The following IL1RAPL2 variants were observed in gnomAD, a reference collection of about 807,000 sequenced individuals.
The protein encoded by IL1RAPL2 is X-linked interleukin-1 receptor accessory protein-like 2.
A neutral mutation model predicts 44.1 loss-of-function variants in IL1RAPL2; 3 were observed. The ratio of observed to expected loss-of-function variants is 0.07; its 90% CI spans 0.03 to 0.18. The LOEUF (loss-of-function observed/expected upper bound fraction) is 0.18, where lower values mean the gene tolerates loss of function less well. Among genes scored for constraint, IL1RAPL2 ranks in the 10% least tolerant of loss-of-function variants. The pLI is 1.00. For missense variants in IL1RAPL2, 391 were observed against 496.4 expected, an observed-to-expected ratio of 0.79 and a Z score of 2.02; for synonymous variants, 181 against 178.8, an observed-to-expected ratio of 1.01 and a Z score of -0.10.
intron 2 of IL1RAPL2, among the ~76,000 whole-genome samples, chrX:104,750,877 T>TAA (rs1049373074): frequency 3.7e-5 from 4 of 109,184 alleles, no homozygotes; most frequent in African/African-American, 1.3e-4. Context: ...AAACCCAAAT[T>TAA]AAAAAAAAAC....
intron 6 of IL1RAPL2, among the ~76,000 whole-genome samples, chrX:105,581,018 A>G (rs371322823): frequency 3.6e-5 from 4 of 110,988 alleles, no homozygotes; most frequent in South Asian, 7.6e-4. Flanking sequence ...AGTAGTTGGA[A>G]GTCCCTGGAT....
chrX:105,090,676 C>T (rs776669925), intron 2 of IL1RAPL2, among the ~76,000 whole-genome samples: 1 of 112,260 alleles, frequency 8.9e-6, no homozygotes, highest in Admixed American at 9.4e-5. Context: ...AGTGGGTGGA[C>T]AATATAAAAG....
At chrX:105,096,850 T>C (rs980792211) in intron 2 of IL1RAPL2, among the ~76,000 whole-genome samples, 2 of 112,123 alleles carry the variant, frequency 1.8e-5, no homozygotes, top group Non-Finnish European at 3.8e-5. Context: ...TTTTATGAGT[T>C]ATGTATTAAT....
At chrX:105,072,959 ATGTCCCTGC>A (rs2032229018) in intron 2 of IL1RAPL2, among the ~76,000 whole-genome samples, 2 of 109,419 alleles carry the variant, frequency 1.8e-5, no homozygotes, top group Non-Finnish European at 3.8e-5. Flanking sequence ...AGCTTCATCC[ATGTCCCTGC>A]AAAGGTGATG....
chrX:105,262,915 C>T (rs1176387920), intron 4 of IL1RAPL2, among the ~76,000 whole-genome samples: 3 of 109,460 alleles, frequency 2.7e-5, no homozygotes, highest in African/African-American at 3.3e-5. Context: ...GATGGAGTTT[C>T]GCTCTTGTTG....
chrX:105,657,156 A>G (rs769138240), intron 6 of IL1RAPL2, among the ~76,000 whole-genome samples: 2 of 112,004 alleles, frequency 1.8e-5, no homozygotes, highest in East Asian at 5.6e-4. Flanking sequence ...AAAGAGCATG[A>G]AGATATATAG....
intron 4 of IL1RAPL2, among the ~76,000 whole-genome samples, chrX:105,249,431 G>T (rs1233702496): frequency 9.0e-6 from 1 of 111,274 alleles, no homozygotes; most frequent in East Asian, 2.8e-4. Context: ...CTTAGTATTT[G>T]CTAGCACAAC....
intron 2 of IL1RAPL2, among the ~76,000 whole-genome samples, chrX:104,831,271 CTA>C (rs1252959646): frequency 1.8e-5 from 2 of 111,022 alleles, no homozygotes; most frequent in African/African-American, 3.3e-5. Flanking sequence ...AAATATGGGA[CTA>C]TTTAAATCAC....
intron 2 of IL1RAPL2, among the ~76,000 whole-genome samples, chrX:105,103,108 G>A (rs377513554): frequency 1.8e-5 from 2 of 111,534 alleles, no homozygotes; most frequent in Middle Eastern, 4.2e-3. Context: ...AATGAGGCCC[G>A]TACTCAGTAA....
intron 2 of IL1RAPL2, among the ~76,000 whole-genome samples, chrX:104,741,816 T>G: frequency 9.0e-6 from 1 of 110,967 alleles, no homozygotes; most frequent in Non-Finnish European, 1.9e-5. Flanking sequence ...GAGCATCAAT[T>G]TTGACATTCA....
chrX:105,030,689 G>A (rs756339851), intron 2 of IL1RAPL2, among the ~76,000 whole-genome samples: 19 of 111,324 alleles, frequency 1.7e-4, no homozygotes, highest in Non-Finnish European at 2.6e-4. Flanking sequence ...TGATGCCTCC[G>A]GCTTTGTTCT....
At chrX:105,308,175 T>C (rs1476710504) in intron 5 of IL1RAPL2, among the ~76,000 whole-genome samples, 1 of 111,397 alleles carries the variant, frequency 9.0e-6, no homozygotes, top group Non-Finnish European at 1.9e-5. Flanking sequence ...CCCTTTCCCT[T>C]TCCATATTCA....
At chrX:104,974,122 C>T (rs1465285810) in intron 2 of IL1RAPL2, among the ~76,000 whole-genome samples, 1 of 111,226 alleles carries the variant, frequency 9.0e-6, no homozygotes, top group Non-Finnish European at 1.9e-5. Flanking sequence ...AGAACTATTC[C>T]ACAATTTTAA....
chrX:105,662,080 A>T (rs1049350921), intron 6 of IL1RAPL2, among the ~76,000 whole-genome samples: 5 of 112,190 alleles, frequency 4.5e-5, no homozygotes, highest in Admixed American at 9.4e-5. Context: ...ATTGTCACTC[A>T]CAGAAACTTT....
intron 2 of IL1RAPL2, among the ~76,000 whole-genome samples, chrX:104,676,110 A>G (rs1930747935): frequency 9.2e-6 from 1 of 109,222 alleles, no homozygotes; most frequent in Non-Finnish European, 1.9e-5. Flanking sequence ...TTTAAAGTTA[A>G]TATTGTTATG....
intron 5 of IL1RAPL2, among the ~76,000 whole-genome samples, chrX:105,288,634 A>G (rs754839199): frequency 5.4e-5 from 6 of 111,191 alleles, no homozygotes; most frequent in Non-Finnish European, 1.1e-4. Context: ...TTTACATTCA[A>G]TAAAAATGTA....
At chrX:105,551,704 C>T (rs140380073) in intron 6 of IL1RAPL2, among the ~76,000 whole-genome samples, 68 of 112,216 alleles carry the variant, frequency 6.1e-4, no homozygotes, top group African/African-American at 2.0e-3. Context: ...AAGTGATAAA[C>T]ATTATAAGTT....
intron 2 of IL1RAPL2, among the ~76,000 whole-genome samples, chrX:104,880,566 C>CT (rs1193433262): frequency 8.9e-6 from 1 of 111,767 alleles, no homozygotes; most frequent in East Asian, 2.8e-4. Flanking sequence ...CAGATCCTTA[C>CT]TTGTTTATTT....
intron 1 of IL1RAPL2, among the ~76,000 whole-genome samples, chrX:104,590,083 C>T (rs376933705): frequency 1.8e-5 from 2 of 111,554 alleles, no homozygotes; most frequent in African/African-American, 3.3e-5. Context: ...CTTACTCTGT[C>T]GCCCAGGCTG....
Sources: allele counts gnomAD v4.1 joint callset (sites outside exome capture counted in the v4.1 genomes callset), GRCh38; gene constraint gnomAD v4.1.1; transcripts MANE v1.5; gene names NCBI Gene and HGNC (gene_info 2026-07-23, HGNC 2026-07-21).